The following MAN2A1 variants were observed in gnomAD, a reference collection of about 807,000 sequenced individuals.
MAN2A1 encodes mannosidase alpha class 2A member 1.
A neutral mutation model predicts 142.6 loss-of-function variants in MAN2A1; 76 were observed. That is an observed-to-expected ratio of 0.53 (90% CI 0.44 to 0.65). The LOEUF (loss-of-function observed/expected upper bound fraction) is 0.65, where lower values mean the gene tolerates loss of function less well. Ranked by LOEUF, MAN2A1 falls within the 30% of genes least tolerant of loss-of-function variation. The pLI, the probability that MAN2A1 is intolerant of heterozygous loss-of-function variation, is 0.00. For synonymous variants in MAN2A1, 559 were observed against 473.2 expected, an observed-to-expected ratio of 1.18 and a Z score of -2.35; for missense variants, 1,311 against 1,365.1, an observed-to-expected ratio of 0.96 and a Z score of 0.62.
intron 1 of MAN2A1, among the ~76,000 whole-genome samples, chr5:109,701,337 C>T (rs2249413): frequency 0.17 from 25,791 of 152,056 alleles, 3,190 homozygotes; most frequent in East Asian, 0.64. Context: ...CTTATGAAGG[C>T]TTTGAATCCT....
intron 16 of MAN2A1, among the ~76,000 whole-genome samples, chr5:109,832,276 C>T (rs1219999227): frequency 1.4e-5 from 2 of 142,122 alleles, no homozygotes; most frequent in Non-Finnish European, 3.0e-5. Flanking sequence ...AGCAGATAAA[C>T]ATGTGAACAA....
intron 16 of MAN2A1, among the ~76,000 whole-genome samples, chr5:109,835,738 T>A (rs1257943131): frequency 6.6e-6 from 1 of 152,016 alleles, no homozygotes; most frequent in Non-Finnish European, 1.5e-5. Flanking sequence ...GTGGTGAGAG[T>A]GGTGTATGGT....
Position 109,713,666 on chromosome 5 carries a change from C to T in MAN2A1, c.282C>T (p.Phe94=), listed in dbSNP as rs768525570. ...EDGPKSSQSN[F]SQGAGSHLLP... ...GTCCGAAAAGTTCACAAAGCAATTTCAGCCAAGGTGCTGGCTCACATCTTC... is the reference window on the plus strand; with the variant it reads ...GTCCGAAAAGTTCACAAAGCAATTTTAGCCAAGGTGCTGGCTCACATCTTC... The change falls in exon 2 of 22, where the codon TTC becomes TTT. Residue 94 remains phenylalanine, a synonymous_variant. Transcript: ENST00000261483. 2 of 1,614,226 alleles carry T rather than the reference C, an allele frequency of 1.2e-6. No homozygotes were observed. Among genetic ancestry groups the T allele is most frequent in the South Asian group, 2.2e-5 (2 of 91,092 alleles).
chr5:109,779,844 C>T (rs982950779), intron 8 of MAN2A1, among the ~76,000 whole-genome samples: 2 of 152,080 alleles, frequency 1.3e-5, no homozygotes, highest in Non-Finnish European at 2.9e-5. Context: ...AAATTGAATA[C>T]AGTTGAAAAT....
intron 1 of MAN2A1, among the ~76,000 whole-genome samples, chr5:109,704,499 C>T (rs542383847): frequency 1.3e-5 from 2 of 152,278 alleles, no homozygotes; most frequent in South Asian, 4.1e-4. Context: ...GCTTGTGGCT[C>T]ATTGACAGAC....
chr5:109,838,257 G>A (rs890866065), intron 16 of MAN2A1, among the ~76,000 whole-genome samples: 3 of 152,092 alleles, frequency 2.0e-5, no homozygotes, highest in Non-Finnish European at 4.4e-5. Flanking sequence ...TTCCAAGGGG[G>A]AGAGAATTAG....
rs1753561104 is a variant in MAN2A1, at chr5:109,785,028, TAAC to T, written c.1760+105_1760+107del. On this transcript the variant is annotated intron_variant, in intron 10 of 21. Coordinates refer to ENST00000261483, the MANE Select transcript of MAN2A1 (RefSeq NM_002372.4). ...GTTGTTAGTGTATATCAAACCACAT[TAAC>T]AATGATATCCCTCATAAGTATTACT... is the stretch of plus-strand genomic sequence containing the variant. The T allele has an allele frequency of 1.4e-5, 10 of 729,052 alleles. No individual in the cohort carries two copies. The South Asian group carries it at 2.4e-4, about 18-fold the overall frequency. 45.2% of individuals were successfully genotyped at this position (729,052 alleles called of 1,614,324 possible).
chr5:109,738,987 C>T (rs538473110), intron 4 of MAN2A1, among the ~76,000 whole-genome samples: 6 of 152,064 alleles, frequency 3.9e-5, no homozygotes, highest in East Asian at 3.9e-4. Flanking sequence ...GGACTACAGG[C>T]GCACACCACC....
In MAN2A1 at chr5:109,690,563, G is replaced by C; in HGVS notation, c.135+11G>C. The C allele has an allele frequency of 6.3e-7, 1 of 1,588,232 alleles. No homozygotes were observed. Among genetic ancestry groups the C allele is most frequent in the Non-Finnish European group, 8.6e-7 (1 of 1,167,540 alleles). ...GGCTCCTTCCCTCAGGTAAGCACCT[G>C]GGAAGGGGGCGCGGGGCTCCGAGGG... On this transcript the variant is annotated intron_variant, in intron 1 of 21. Coordinates refer to ENST00000261483, the MANE Select transcript of MAN2A1 (RefSeq NM_002372.4).
intron 12 of MAN2A1, among the ~76,000 whole-genome samples, chr5:109,803,348 T>C (rs1477280577): frequency 6.6e-6 from 1 of 152,150 alleles, no homozygotes; most frequent in East Asian, 1.9e-4. Flanking sequence ...ATTTTGTTTA[T>C]ATTTTAAGTC....
At chr5:109,725,365 A>G (rs1333515995) in intron 3 of MAN2A1, among the ~76,000 whole-genome samples, 1 of 152,196 alleles carries the variant, frequency 6.6e-6, no homozygotes, top group Admixed American at 6.5e-5. Context: ...CCAAACCAGG[A>G]AGGACCTTGA....
intron 18 of MAN2A1, 31 bp from the exon 19 acceptor site, chr5:109,847,626 A>AGTTTTG: frequency 6.8e-7 from 1 of 1,461,342 alleles, no homozygotes; most frequent in Non-Finnish European, 9.1e-7. Context: ...TATTCTGGTC[A>AGTTTTG]GTTTTGCTTG....
intron 19 of MAN2A1, among the ~76,000 whole-genome samples, chr5:109,848,181 G>A (rs1355480433): frequency 6.6e-6 from 1 of 152,102 alleles, no homozygotes; most frequent in African/African-American, 2.4e-5. Context: ...AAATTTATTT[G>A]AAATCTTAGT....
rs751923492 is a variant in MAN2A1, at chr5:109,767,606, C to T, written c.907C>T (p.Arg303Cys). 17 of 1,613,582 alleles carry T rather than the reference C, an allele frequency of 1.1e-5. No homozygotes were observed. The highest frequency in any genetic ancestry group is 5.0e-5 in the Admixed American group (3 of 59,976). ...ACCAACAATGGCTTATCTTCTAAAC[C>T]GTGCTGGACTTTCTCACATGCTTAT... is the stretch of plus-strand genomic sequence containing the variant. ...HSPTMAYLLN[R>C]AGLSHMLIQR... Residue 303 changes from arginine (R) to cysteine (C), a missense_variant, in exon 6 of 22, where the codon CGT becomes TGT. Physicochemically the swap from Arg to Cys is radical, Grantham distance 180. This residue lies in a region of MAN2A1 where 409 missense variants were observed against 412.7 expected (regional missense o/e 0.99). Coordinates refer to ENST00000261483, the MANE Select transcript of MAN2A1 (RefSeq NM_002372.4).
At position 109,713,591 on chromosome 5, in the gene MAN2A1, C is replaced by G. The variant is rs921674470; in HGVS notation, c.207C>G (p.Ile69Met). The G allele has an allele frequency of 6.2e-7, 1 of 1,613,930 alleles. No homozygotes were observed. Among genetic ancestry groups the G allele is most frequent in the African/African-American group, 1.3e-5 (1 of 74,908 alleles). The change falls in exon 2 of 22, where the codon ATC (isoleucine) becomes ATG (methionine). Residue 69 changes from isoleucine (I) to methionine (M), a missense_variant. Coordinates refer to ENST00000261483, the MANE Select transcript of MAN2A1 (RefSeq NM_002372.4). ...TGCTAGCTGAGAATAATGAGATCAT[C>G]TCAAATATTAGAGACTCAGTCATCA... ...ERLLAENNEI[I>M]SNIRDSVINL... is the part of the protein sequence containing the mutation.
intron 13 of MAN2A1, among the ~76,000 whole-genome samples, chr5:109,818,759 A>G (rs1754540394): frequency 6.6e-6 from 1 of 152,222 alleles, no homozygotes; most frequent in African/African-American, 2.4e-5. Flanking sequence ...ATGATCATAC[A>G]GGTTCACATA....
At chr5:109,826,465 G>C (rs957747634) in intron 16 of MAN2A1, among the ~76,000 whole-genome samples, 1 of 151,956 alleles carries the variant, frequency 6.6e-6, no homozygotes, top group Non-Finnish European at 1.5e-5. Flanking sequence ...GTAGGAAATA[G>C]AGATACCAGA....
intron 20 of MAN2A1, among the ~76,000 whole-genome samples, chr5:109,858,695 C>T (rs989733633): frequency 6.6e-6 from 1 of 152,214 alleles, no homozygotes; most frequent in African/African-American, 2.4e-5. Context: ...AGAAATGTGT[C>T]TGAAGGCCAC....
chr5:109,852,713 G>A (rs1415072589), intron 19 of MAN2A1, among the ~76,000 whole-genome samples: 1 of 152,182 alleles, frequency 6.6e-6, no homozygotes, highest in Non-Finnish European at 1.5e-5. Flanking sequence ...TACTAGATTA[G>A]TTAAGTACAA....
Sources: gnomAD v4.1 joint callset for allele counts (sites outside exome capture counted in the v4.1 genomes callset) on GRCh38, gnomAD v4.1.1 for gene constraint, gnomAD v4.1.1 regional missense constraint, MANE v1.5 for transcripts, NCBI Gene and HGNC (gene_info 2026-07-23, HGNC 2026-07-21) for gene names.